Variants in SOX6 observed in about 807,000 individuals in gnomAD.
SOX6 encodes the protein SRY-box transcription factor 6, also known as transcription factor SOX-6.
In SOX6, 11 loss-of-function variants were observed where a neutral mutation model predicts 97.8. The ratio of observed to expected loss-of-function variants is 0.11; its 90% CI spans 0.07 to 0.19. SOX6 has a LOEUF of 0.19. Among genes scored for constraint, SOX6 ranks in the 10% least tolerant of loss-of-function variants. The pLI, the probability that SOX6 is intolerant of heterozygous loss-of-function variation, is 1.00. For missense variants in SOX6, 810 were observed against 1,039.5 expected, an observed-to-expected ratio of 0.78 and a Z score of 3.04; for synonymous variants, 360 against 371.4, an observed-to-expected ratio of 0.97 and a Z score of 0.35.
intron 4 of SOX6, among the ~76,000 whole-genome samples, chr11:16,577,776 T>C (rs1317963528): frequency 2.6e-5 from 4 of 152,154 alleles, no homozygotes; most frequent in Non-Finnish European, 5.9e-5. Context: ...ATTTGGGTAT[T>C]TGTCTTTTAT....
At chr11:16,154,849 C>G (rs1047059050) in intron 6 of SOX6, among the ~76,000 whole-genome samples, 4 of 152,014 alleles carry the variant, frequency 2.6e-5, no homozygotes, top group Non-Finnish European at 5.9e-5. Context: ...CCTGGGCAAC[C>G]AGTCCTTCAG....
At chr11:16,186,740 C>A (rs756329513) in intron 5 of SOX6, 43 bp downstream of exon 5, 149 of 1,606,314 alleles carry the variant, frequency 9.3e-5, no homozygotes, top group Non-Finnish European at 1.2e-4. Context: ...GAGCCTGGCA[C>A]ATTCCACATC....
chr11:16,451,321 G>A (rs576046198), intron 1 of SOX6, among the ~76,000 whole-genome samples: 6 of 151,960 alleles, frequency 3.9e-5, no homozygotes, highest in Non-Finnish European at 7.4e-5. Context: ...TTTAATATAA[G>A]GGATCAAGAC....
intron 3 of SOX6, chr11:16,316,201 A>G (rs1590118378): frequency 6.6e-6 from 1 of 151,794 alleles, no homozygotes; most frequent in East Asian, 1.9e-4. Context: ...TCTGAACTTG[A>G]TAATAAGATC....
intron 9 of SOX6, among the ~76,000 whole-genome samples, chr11:16,076,363 A>G (rs1367514258): frequency 6.6e-6 from 1 of 151,838 alleles, no homozygotes; most frequent in African/African-American, 2.4e-5. Flanking sequence ...CATCTGAAAA[A>G]GGTCTAATAT....
chr11:16,560,475 A>G, intron 4 of SOX6, among the ~76,000 whole-genome samples: 1 of 140,072 alleles, frequency 7.1e-6, no homozygotes, highest in South Asian at 2.1e-4. Flanking sequence ...TTATACGTAC[A>G]TATATGTTTA....
At chr11:16,231,800 C>T (rs1330377694) in intron 4 of SOX6, among the ~76,000 whole-genome samples, 1 of 151,518 alleles carries the variant, frequency 6.6e-6, no homozygotes, top group Non-Finnish European at 1.5e-5. Context: ...TTTCTGCCAA[C>T]AAAAATAATA....
intron 1 of SOX6, among the ~76,000 whole-genome samples, chr11:16,414,622 A>C (rs1342796670): frequency 6.6e-6 from 1 of 152,186 alleles, no homozygotes; most frequent in Non-Finnish European, 1.5e-5. Context: ...GACTGTTCAC[A>C]AAAATTACTA....
chr11:16,388,156 T>G (rs534790414), intron 1 of SOX6, among the ~76,000 whole-genome samples: 1 of 152,164 alleles, frequency 6.6e-6, no homozygotes, highest in Non-Finnish European at 1.5e-5. Context: ...TTAATGGGTG[T>G]GGTCAACTGT....
At chr11:16,119,196 C>T (rs569598309) in intron 6 of SOX6, among the ~76,000 whole-genome samples, 1 of 152,242 alleles carries the variant, frequency 6.6e-6, no homozygotes, top group South Asian at 2.1e-4. Flanking sequence ...AAAGGAAAAG[C>T]CTTCAAGGTC....
chr11:16,725,985 T>C (rs76084584), intron 2 of SOX6, among the ~76,000 whole-genome samples: 1,746 of 152,312 alleles, frequency 0.011, 24 homozygotes, highest in African/African-American at 0.04. Flanking sequence ...CAATACCTCC[T>C]TTTCTATTTG....
intron 7 of SOX6, among the ~76,000 whole-genome samples, chr11:16,109,833 T>G (rs1295229912): frequency 2.0e-5 from 3 of 152,156 alleles, no homozygotes; most frequent in Non-Finnish European, 4.4e-5. Context: ...TTACCAACCT[T>G]GCTTGTAATT....
chr11:15,989,106 T>C lies in SOX6; in HGVS notation c.1857A>G (p.Pro619=). ...RDARGRASSE[P]HIKRPMNAFM... ...ATGCATTCATTGGTCGCTTAATGTG[T>C]GGCTCGCTGCTGGCACGGCCGCGGG... Residue 619 remains proline, a synonymous_variant, in exon 14 of 16, where the codon CCA becomes CCG. Coordinates refer to ENST00000683767, the MANE Select transcript of SOX6 (RefSeq NM_001367873.1). The C allele has an allele frequency of 6.2e-7, 1 of 1,614,244 alleles. No homozygotes were observed. The highest frequency in any genetic ancestry group is 8.5e-7 in the Non-Finnish European group (1 of 1,180,028).
In SOX6 at chr11:16,683,395, C is replaced by A. The variant is rs1251103680; in HGVS notation, n.429+31435G>T. Among the ~76,000 whole-genome samples the A allele has an allele frequency of 2.0e-5, 3 of 151,902 alleles. No homozygotes were observed. In the East Asian group the frequency reaches 5.8e-4, roughly 29 times the overall value. ...CTGGTACCAAAACAGATATATAGAC[C>A]AATAGAACAGAACAGAGGCCTCAGA... On this transcript the variant is annotated intron_variant and non_coding_transcript_variant, in intron 3 of 5. Transcript: ENST00000524520.
At position 16,318,584 on chromosome 11, in the gene SOX6, C is replaced by T. The variant is rs760918989; in HGVS notation, c.307G>A (p.Asp103Asn). 2 of 1,613,650 alleles carry T rather than the reference C, an allele frequency of 1.2e-6. No homozygotes were observed. The highest frequency in any genetic ancestry group is 1.7e-6 in the Non-Finnish European group (2 of 1,179,774). Residue 103 changes from aspartate to asparagine, a missense_variant, in exon 3 of 16, where the codon GAC becomes AAC. Asp to Asn is a conservative substitution (Grantham distance 23). Around this residue, in one of 9 missense-constraint regions of SOX6, gnomAD observed 46 missense variants for 84.1 expected, o/e 0.55. Transcript: ENST00000683767. The stretch of plus-strand genomic sequence containing the variant: ...ATCTCACGGTCCCGACTCCCTTCGT[C>T]AGGCTTATGTGGTGAGGTAGAGGTA... ...RNTSTSPHKPDEGSRDREIMT... is the reference protein window; with the variant it reads ...RNTSTSPHKPNEGSRDREIMT...
At chr11:16,591,992 C>G (rs1009721375) in intron 4 of SOX6, among the ~76,000 whole-genome samples, 1 of 151,928 alleles carries the variant, frequency 6.6e-6, no homozygotes, top group Non-Finnish European at 1.5e-5. Context: ...AAAGCATATT[C>G]GATTATAGGA....
intron 3 of SOX6, among the ~76,000 whole-genome samples, chr11:16,679,599 C>T (rs1039340686): frequency 1.3e-5 from 2 of 152,172 alleles, no homozygotes; most frequent in Admixed American, 6.5e-5. Context: ...GGGAACAAAA[C>T]TGGACAGAAA....
intron 1 of SOX6, among the ~76,000 whole-genome samples, chr11:16,395,686 G>T (rs1431626626): frequency 1.3e-5 from 2 of 151,668 alleles, no homozygotes; most frequent in South Asian, 2.1e-4. Context: ...GTATTTCTTG[G>T]ATCCCAAAGA....
chr11:16,559,150 T>C (rs1286791648), intron 4 of SOX6, among the ~76,000 whole-genome samples: 1 of 152,012 alleles, frequency 6.6e-6, no homozygotes, highest in Non-Finnish European at 1.5e-5. Flanking sequence ...GAAAAAGTAA[T>C]AGGAAGACTG....
Sources: gnomAD v4.1 joint callset for allele counts (sites outside exome capture counted in the v4.1 genomes callset) on GRCh38, gnomAD v4.1.1 for gene constraint, gnomAD v4.1.1 regional missense constraint, MANE v1.5 for transcripts, NCBI Gene and HGNC (gene_info 2026-07-23, HGNC 2026-07-21) for gene names.